IRAG2: variants seen among roughly 807,000 people sequenced by gnomAD.
The protein encoded by IRAG2 is inositol 1,4,5-triphosphate receptor associated 2.
IRAG2 carries 45 observed loss-of-function variants against 69.9 expected under a neutral mutation model. The ratio of observed to expected loss-of-function variants is 0.64; its 90% CI spans 0.51 to 0.83. The LOEUF is 0.83. IRAG2 is among the 40% of genes least tolerant of loss of function. The pLI is 0.00. For missense variants in IRAG2, 520 were observed against 587.0 expected, an observed-to-expected ratio of 0.89 and a Z score of 1.18; for synonymous variants, 193 against 202.4, an observed-to-expected ratio of 0.95 and a Z score of 0.40.
At chr12:25,061,481 T>G in intron 1 of IRAG2, 111 bp from the exon 2 acceptor site, 1 of 395,114 alleles carries the variant, frequency 2.5e-6, no homozygotes, top group Non-Finnish European at 4.5e-6. Context: ...GGTGAGATCA[T>G]GCCACTGCAC....
Position 25,079,507 on chromosome 12 carries a change from C to T in IRAG2, c.136+45C>T, listed in dbSNP as rs1947052184. The T allele has an allele frequency of 2.0e-6, 3 of 1,524,716 alleles. No individual in the cohort carries two copies. The African/African-American group carries it at 4.1e-5, about 21-fold the overall frequency. The allele number at this position is 1,524,716 out of a possible 1,614,324, so 94.4% of individuals were successfully genotyped here. On this transcript the variant is annotated intron_variant, in intron 8 of 21. Coordinates refer to ENST00000556887, the MANE Select transcript of IRAG2 (RefSeq NM_001366544.2). ...ATATTAAAATAGACTGTTAGTATTA[C>T]AGCTTTCAGCCTGATGTTCTGTGAC...
chr12:25,017,099 G>T (rs1361700676), intron 5 of IRAG2: 7 of 1,228,270 alleles, frequency 5.7e-6, no homozygotes, highest in African/African-American at 3.1e-5. Flanking sequence ...AATTAGTGAT[G>T]TGAAGGTTAT....
chr12:25,099,268 TC>T (rs1260088042), intron 15 of IRAG2, among the ~76,000 whole-genome samples: 5 of 152,042 alleles, frequency 3.3e-5, no homozygotes, highest in Non-Finnish European at 7.4e-5. Flanking sequence ...CTGTTCATGG[TC>T]CCCCCACCAA....
Position 25,088,102 on chromosome 12 carries a change from A to G in IRAG2, c.318A>G (p.Glu106=), listed in dbSNP as rs1025837303. The G allele has an allele frequency of 1.3e-5, 21 of 1,610,236 alleles. No individual in the cohort carries two copies. The highest frequency in any genetic ancestry group is 1.7e-5 in the Non-Finnish European group (20 of 1,176,594). Reference sequence around the variant, plus strand: ...GTGGTAAAATCTTATGATTTTAGGAAGCCAAAGAGGAACCAGAAACAATAG... The same window carrying G: ...GTGGTAAAATCTTATGATTTTAGGAGGCCAAAGAGGAACCAGAAACAATAG... The part of the protein sequence containing the change: ...TSKDKTILNL[E]AKEEPETIEE... The change falls in exon 11 of 22, where the codon GAA becomes GAG. Residue 106 remains glutamate, a splice_region_variant and synonymous_variant. Transcript: ENST00000556887.
intron 1 of IRAG2, among the ~76,000 whole-genome samples, chr12:25,060,819 C>G (rs1157502364): frequency 6.7e-6 from 1 of 149,920 alleles, no homozygotes; most frequent in Non-Finnish European, 1.5e-5. Context: ...CGCCACCACA[C>G]CCAGCTAATT....
At chr12:25,082,856 A>G (rs1947318709) in intron 9 of IRAG2, among the ~76,000 whole-genome samples, 2 of 152,240 alleles carry the variant, frequency 1.3e-5, no homozygotes, top group African/African-American at 2.4e-5. Flanking sequence ...AGTAAACAGG[A>G]GAATAATTAT....
chr12:25,094,522 C>A (rs1173555644), intron 14 of IRAG2, among the ~76,000 whole-genome samples: 4 of 152,076 alleles, frequency 2.6e-5, no homozygotes, highest in African/African-American at 9.7e-5. Flanking sequence ...AGTCCTCCTA[C>A]TTTTTCAAAA....
intron 2 of IRAG2, among the ~76,000 whole-genome samples, chr12:25,007,408 T>G (rs1478054402): frequency 6.6e-6 from 1 of 152,234 alleles, no homozygotes; most frequent in Non-Finnish European, 1.5e-5. Flanking sequence ...TTAAACAGTT[T>G]TACTGTTCAA....
In IRAG2 at chr12:25,037,961, A is replaced by G. The variant is rs1057439547; in HGVS notation, c.1981-13A>G. On this transcript the variant is annotated splice_polypyrimidine_tract_variant and intron_variant, in intron 15 of 38. Transcript: ENST00000636465. ...TTGGAGTACTGGGGTTTGTTTTGTGACTTTTCTTGTAGGAATTCAACAATA... is the reference window on the plus strand; with the variant it reads ...TTGGAGTACTGGGGTTTGTTTTGTGGCTTTTCTTGTAGGAATTCAACAATA... 1.0e-5 allele frequency: 4 copies of G among 398,740 alleles called. No homozygotes were observed. The Middle Eastern group carries it at 1.9e-3, about 189-fold the overall frequency. 24.7% of individuals were successfully genotyped at this position (398,740 alleles called of 1,614,324 possible).
intron 16 of IRAG2, among the ~76,000 whole-genome samples, chr12:25,046,019 A>G (rs1591937134): frequency 6.6e-6 from 1 of 152,108 alleles, no homozygotes. Context: ...CTTATACACT[A>G]TGACCAAGTG....
rs1354949798 is a variant in IRAG2, at chr12:25,100,026, T to G, written c.742-1152T>G. ...AAAAAAAAAAAAAAAAAAAAAAAAA[T>G]GGGCAAAAGACTTCAATAGACATTT... On this transcript the variant is annotated intron_variant, in intron 15 of 21. Transcript: ENST00000556887. 9.1e-3 allele frequency among the ~76,000 whole-genome samples: 347 copies of G among 38,266 alleles called. 1 individual carries two copies. The highest frequency in any genetic ancestry group is 0.011 in the Non-Finnish European group (206 of 19,562). The allele number at this position is 38,266 out of a possible 152,430, so 25.1% of individuals were successfully genotyped here. A position where few individuals can be genotyped will look rare whatever the true frequency, so the allele number is the denominator to read the frequency against.
chr12:25,093,551 G>A (rs1948215197), intron 14 of IRAG2: 1 of 153,304 alleles, frequency 6.5e-6, no homozygotes, highest in Admixed American at 6.5e-5. Context: ...CATTTTTGCA[G>A]ATTCGTTTTC....
intron 19 of IRAG2, 59 bp downstream of exon 19, chr12:25,104,117 C>T: frequency 7.2e-7 from 1 of 1,391,732 alleles, no homozygotes; most frequent in Non-Finnish European, 1.0e-6. Flanking sequence ...TTGGGCTAAC[C>T]TAAATGAGTG....
chr12:25,046,065 A>G (rs1021705655), intron 16 of IRAG2, among the ~76,000 whole-genome samples: 2 of 152,142 alleles, frequency 1.3e-5, no homozygotes, highest in African/African-American at 4.8e-5. Flanking sequence ...GGTTCAATAT[A>G]TGCAAATTGA....
intron 6 of IRAG2, among the ~76,000 whole-genome samples, chr12:25,078,533 AAAT>A (rs1445490131): frequency 2.6e-5 from 4 of 152,182 alleles, no homozygotes; most frequent in African/African-American, 7.2e-5. Context: ...CAAATAATTA[AAAT>A]AATATACTAG....
intron 3 of IRAG2, among the ~76,000 whole-genome samples, chr12:25,011,906 T>C (rs1036315006): frequency 7.2e-5 from 11 of 152,180 alleles, no homozygotes; most frequent in Non-Finnish European, 1.5e-4. Flanking sequence ...GGTGAATTAT[T>C]GATACTATCA....
chr12:25,004,480 G>C (rs893380952), exon 1 of IRAG2: 2 of 1,232,106 alleles, frequency 1.6e-6, no homozygotes, highest in Non-Finnish European at 2.0e-6. Flanking sequence ...TAGCAGTTTT[G>C]ATAGCCCACA....
intron 20 of IRAG2, among the ~76,000 whole-genome samples, chr12:25,104,938 C>T (rs186213090): frequency 1.3e-5 from 2 of 152,056 alleles, no homozygotes; most frequent in Non-Finnish European, 2.9e-5. Flanking sequence ...GAATTGCTAT[C>T]TCTGTATCTA....
chr12:25,059,565 G>T (rs1945481498), intron 1 of IRAG2, among the ~76,000 whole-genome samples: 1 of 152,094 alleles, frequency 6.6e-6, no homozygotes, highest in South Asian at 2.1e-4. Flanking sequence ...TGTTGTTCAG[G>T]CTGGTCTCGA....
Sources: allele counts gnomAD v4.1 joint callset (sites outside exome capture counted in the v4.1 genomes callset), GRCh38; gene constraint gnomAD v4.1.1; transcripts MANE v1.5; gene names NCBI Gene and HGNC (gene_info 2026-07-23, HGNC 2026-07-21).